DAP: variants seen among roughly 807,000 people sequenced by gnomAD.
The protein encoded by DAP is death associated protein.
DAP carries 8 observed loss-of-function variants against 13.8 expected under a neutral mutation model. That is an observed-to-expected ratio of 0.58 (90% confidence interval 0.34 to 1.05). The LOEUF (loss-of-function observed/expected upper bound fraction) is 1.05. Ranked by LOEUF, DAP falls within the 50% of genes least tolerant of loss-of-function variation. The pLI, the probability that DAP is intolerant of heterozygous loss-of-function variation, is 0.03. For missense variants in DAP, 106 were observed against 133.2 expected (o/e 0.80, Z 1.01); for synonymous variants, 47 against 47.5 (o/e 0.99, Z 0.04).
chr5:10,750,444 G>A (rs910540376), intron 1 of DAP, among the ~76,000 whole-genome samples: 1 of 152,134 alleles, frequency 6.6e-6, no homozygotes, highest in Non-Finnish European at 1.5e-5. Flanking sequence ...ATTTCCTCTG[G>A]CTTGGGTTTA....
At position 10,720,192 on chromosome 5, in the gene DAP, G is replaced by C. The variant is rs148570816; in HGVS notation, c.152+27983C>G. ...CATATGGTCTGACCAAGGAGACCATGGGCATTTGAGCCACTTCCTCATGTA... is the reference window on the plus strand; with the variant it reads ...CATATGGTCTGACCAAGGAGACCATCGGCATTTGAGCCACTTCCTCATGTA... On this transcript the variant is annotated intron_variant, in intron 2 of 3. Coordinates refer to ENST00000230895, the MANE Select transcript of DAP (RefSeq NM_004394.3). 4.4e-3 allele frequency among the ~76,000 whole-genome samples: 672 copies of C among 152,258 alleles called. 5 individuals carry two copies. The highest frequency in any genetic ancestry group is 0.015 in the African/African-American group (610 of 41,556).
At chr5:10,693,629 G>T (rs772140013) in intron 2 of DAP, among the ~76,000 whole-genome samples, 55 of 152,318 alleles carry the variant, frequency 3.6e-4, no homozygotes, top group Non-Finnish European at 6.8e-4. Flanking sequence ...ACAGTAATAA[G>T]TGCTGGGAAC....
intron 2 of DAP, among the ~76,000 whole-genome samples, chr5:10,724,506 G>T (rs992945361): frequency 6.6e-6 from 1 of 152,176 alleles, no homozygotes; most frequent in East Asian, 1.9e-4. Context: ...TTTACCAGGG[G>T]CCACCCAGGA....
Position 10,683,583 on chromosome 5 carries a change from G to T in DAP, c.153-12C>A, listed in dbSNP as rs767066937. 4.3e-6 allele frequency: 7 copies of T among 1,613,510 alleles called. No homozygotes were observed. The South Asian group carries it at 7.7e-5, about 18-fold the overall frequency. On this transcript the variant is annotated splice_polypyrimidine_tract_variant and intron_variant, in intron 2 of 3. Transcript: ENST00000230895. ...TGGGTTTAGGTGGACTGGAAAAAAA[G>T]AAGGGAAAAGGCAGATTTAACAAAA...
Position 10,726,303 on chromosome 5 carries a change from A to G in DAP, c.152+21872T>C, listed in dbSNP as rs188149200. Among the ~76,000 whole-genome samples, 275 of 152,330 alleles carry G rather than the reference A, an allele frequency of 1.8e-3. 1 individual carries two copies. The highest frequency in any genetic ancestry group is 6.3e-3 in the African/African-American group (262 of 41,572). On this transcript the variant is annotated intron_variant, in intron 2 of 3. Coordinates refer to ENST00000230895, the MANE Select transcript of DAP (RefSeq NM_004394.3). ...TCTCCCTTTAACACAGTGTTCATAC[A>G]TTTCTGAAATGTGTAGGCTTCACTT... is the stretch of plus-strand genomic sequence containing the variant.
At chr5:10,686,006 T>G (rs2126635232) in intron 2 of DAP, among the ~76,000 whole-genome samples, 1 of 152,352 alleles carries the variant, frequency 6.6e-6, no homozygotes, top group Middle Eastern at 3.4e-3. Flanking sequence ...CTTTAGGAAT[T>G]GAAGGTTTGT....
intron 1 of DAP, among the ~76,000 whole-genome samples, chr5:10,757,187 G>C (rs1309134916): frequency 6.6e-6 from 1 of 152,134 alleles, no homozygotes; most frequent in Non-Finnish European, 1.5e-5. Flanking sequence ...TCGGGCTGCT[G>C]AAGTTCCAAA....
chr5:10,694,807 A>G (rs1738393154), intron 2 of DAP, among the ~76,000 whole-genome samples: 1 of 152,154 alleles, frequency 6.6e-6, no homozygotes, highest in Admixed American at 6.5e-5. Context: ...GGCCCAGCAC[A>G]TGCGCTCATT....
In DAP at chr5:10,761,153, G is replaced by T; in HGVS notation, c.-85C>A. ...TGCGCGAGTGAGCTCAGGTGTGAGC[G>T]CCGGGGAGCGAGCGGGCGGGAGAAC... On this transcript the variant is annotated 5_prime_UTR_variant, in exon 1 of 4. Coordinates refer to ENST00000230895, the MANE Select transcript of DAP (RefSeq NM_004394.3). 1 of 790,204 alleles carries T rather than the reference G, an allele frequency of 1.3e-6. No homozygotes were observed. The highest frequency in any genetic ancestry group is 1.7e-6 in the Non-Finnish European group (1 of 600,810). 48.9% of individuals were successfully genotyped at this position (790,204 alleles called of 1,614,324 possible).
At chr5:10,755,137 G>A (rs1023638243) in intron 1 of DAP, among the ~76,000 whole-genome samples, 2 of 152,212 alleles carry the variant, frequency 1.3e-5, no homozygotes, top group African/African-American at 4.8e-5. Flanking sequence ...AGAGGGAGGC[G>A]GAAGAGTCAG....
At chr5:10,681,230 G>A (rs1344948268) in intron 3 of DAP, 61 bp from the exon 4 acceptor site, 1 of 1,336,636 alleles carries the variant, frequency 7.5e-7, no homozygotes, top group Non-Finnish European at 1.0e-6. Context: ...TGTGGGTGAG[G>A]AAGCCCCAGG....
intron 2 of DAP, among the ~76,000 whole-genome samples, chr5:10,733,590 G>T (rs1739528389): frequency 6.6e-6 from 1 of 152,068 alleles, no homozygotes; most frequent in South Asian, 2.1e-4. Context: ...TGATACTCCA[G>T]CCCGTATTAA....
intron 2 of DAP, among the ~76,000 whole-genome samples, chr5:10,723,935 A>G (rs1739220750): frequency 6.6e-6 from 1 of 152,308 alleles, no homozygotes; most frequent in Middle Eastern, 3.4e-3. Flanking sequence ...GCGGGTGTCT[A>G]TTTGGAAGAT....
At chr5:10,721,710 G>C (rs1005696221) in intron 2 of DAP, among the ~76,000 whole-genome samples, 6 of 152,208 alleles carry the variant, frequency 3.9e-5, no homozygotes, top group Non-Finnish European at 5.9e-5. Context: ...CTTGCTGAAG[G>C]CAAAGGGAAT....
At chr5:10,743,307 C>T (rs1235319313) in intron 2 of DAP, among the ~76,000 whole-genome samples, 3 of 152,176 alleles carry the variant, frequency 2.0e-5, no homozygotes, top group Non-Finnish European at 2.9e-5. Context: ...CCCTTCAATC[C>T]GTCAGTGCTT....
chr5:10,727,553 T>G (rs953347788), intron 2 of DAP, among the ~76,000 whole-genome samples: 8 of 151,948 alleles, frequency 5.3e-5, no homozygotes, highest in Admixed American at 3.9e-4. Context: ...AGGGTTTAGA[T>G]GGGGGGGACT....
rs550316131 is a variant in DAP at position 10,718,468 on chromosome 5, G to C, written c.152+29707C>G. Among the ~76,000 whole-genome samples the C allele has an allele frequency of 2.8e-4, 43 of 152,320 alleles. No individual in the cohort carries two copies. In the Middle Eastern group the frequency reaches 0.014, roughly 48 times the overall value. On this transcript the variant is annotated intron_variant, in intron 2 of 3. Transcript: ENST00000230895. ...AGCCATTAGAGTTGTCTCTATCTAG[G>C]AAAATAGTAAATCAAAAACAATATT...
intron 2 of DAP, among the ~76,000 whole-genome samples, chr5:10,720,270 C>A (rs1394252065): frequency 1.3e-5 from 2 of 152,216 alleles, no homozygotes; most frequent in South Asian, 4.1e-4. Flanking sequence ...TACATCACTT[C>A]CATTTGATGA....
At chr5:10,757,141 T>C (rs1361596884) in intron 1 of DAP, among the ~76,000 whole-genome samples, 2 of 152,162 alleles carry the variant, frequency 1.3e-5, no homozygotes, top group Non-Finnish European at 2.9e-5. Flanking sequence ...TCTCCCACCT[T>C]GGGAGGAGGC....
Sources: gnomAD v4.1 joint callset for allele counts (sites outside exome capture counted in the v4.1 genomes callset) on GRCh38, gnomAD v4.1.1 for gene constraint, MANE v1.5 for transcripts, NCBI Gene and HGNC (gene_info 2026-07-23, HGNC 2026-07-21) for gene names.